OSBPL9: variants seen among roughly 807,000 people sequenced by gnomAD.
OSBPL9 encodes the protein oxysterol binding protein like 9.
OSBPL9 carries 40 observed loss-of-function variants against 106.6 expected under a neutral mutation model. The ratio of observed to expected loss-of-function variants is 0.38; its 90% CI spans 0.29 to 0.49. OSBPL9 has a LOEUF of 0.49. OSBPL9 is among the 20% of genes least tolerant of loss of function. The probability of loss-of-function intolerance (pLI) is 0.97; values close to 1 mark genes in which losing one functional copy is unlikely to be tolerated. For missense variants in OSBPL9, 609 were observed against 887.2 expected, an observed-to-expected ratio of 0.69 and a Z score of 3.98; for synonymous variants, 269 against 295.4, an observed-to-expected ratio of 0.91 and a Z score of 0.92.
At chr1:51,711,021 T>A (rs1455560224) in intron 3 of OSBPL9, among the ~76,000 whole-genome samples, 1 of 151,966 alleles carries the variant, frequency 6.6e-6, no homozygotes, top group Non-Finnish European at 1.5e-5. Context: ...TTACCCTTAC[T>A]TCTATATTTT....
At chr1:51,628,663 TC>T (rs1486099071) in intron 1 of OSBPL9, among the ~76,000 whole-genome samples, 1 of 151,584 alleles carries the variant, frequency 6.6e-6, no homozygotes, top group Non-Finnish European at 1.5e-5. Context: ...GTGATCTGCT[TC>T]AATTTATCTT....
intron 1 of OSBPL9, among the ~76,000 whole-genome samples, chr1:51,639,034 G>A (rs575133648): frequency 3.3e-5 from 5 of 151,768 alleles, no homozygotes; most frequent in Admixed American, 2.6e-4. Context: ...GTAGAATTTT[G>A]TCAAGTACTA....
At chr1:51,533,845 C>CTTTT in the OSBPL9 span, among the ~76,000 whole-genome samples, 60 of 116,294 alleles carry the variant, frequency 5.2e-4, no homozygotes, top group Non-Finnish European at 8.1e-4. Context: ...TTTTTTCTTT[C>CTTTT]TTTTTTTTTT....
chr1:51,598,617 T>C (rs1237419731), intron 2 of OSBPL9, among the ~76,000 whole-genome samples: 2 of 152,248 alleles, frequency 1.3e-5, no homozygotes, highest in South Asian at 2.1e-4. Flanking sequence ...TGTGTGTGTG[T>C]GTGCCCGCGC....
At chr1:51,571,794 G>A in the OSBPL9 span, among the ~76,000 whole-genome samples, 2 of 152,212 alleles carry the variant, frequency 1.3e-5, no homozygotes, top group African/African-American at 4.8e-5. Context: ...CGAACCTGCA[G>A]GCAAGACCAA....
At position 51,717,140 on chromosome 1, in the gene OSBPL9, A is replaced by G. The variant is rs6661653; in HGVS notation, c.318+3061A>G. ...ACCACCACGCCTGGCTAATTTTTGT[A>G]TTTTTTTGTAGAGATGCGGTTTTGC... On this transcript the variant is annotated intron_variant, in intron 4 of 23. Coordinates refer to ENST00000428468, the MANE Select transcript of OSBPL9 (RefSeq NM_024586.6). Among the ~76,000 whole-genome samples the G allele has an allele frequency of 2.4e-3, 359 of 151,814 alleles. 1 individual carries two copies. The highest frequency in any genetic ancestry group is 8.3e-3 in the African/African-American group (344 of 41,408).
chr1:51,699,163 T>G (rs1656705115), intron 3 of OSBPL9, among the ~76,000 whole-genome samples: 1 of 152,216 alleles, frequency 6.6e-6, no homozygotes, highest in Non-Finnish European at 1.5e-5. Context: ...TGCAAGTGGC[T>G]TATTAAAGTC....
At chr1:51,557,172 T>C in the OSBPL9 span, among the ~76,000 whole-genome samples, 2 of 152,330 alleles carry the variant, frequency 1.3e-5, no homozygotes, top group Middle Eastern at 3.4e-3. Context: ...AAAAGTTTTC[T>C]TGTTTTTAAT....
At chr1:51,782,743 A>G in intron 17 of OSBPL9, 100 bp downstream of exon 17, 1 of 966,174 alleles carries the variant, frequency 1.0e-6, no homozygotes, top group Non-Finnish European at 1.5e-6. Flanking sequence ...CAGTTGTGTG[A>G]CTAGCTGTGT....
intron 1 of OSBPL9, among the ~76,000 whole-genome samples, chr1:51,589,080 T>TTTTTC (rs571600127): frequency 4.0e-5 from 6 of 149,976 alleles, no homozygotes; most frequent in East Asian, 1.9e-4. Context: ...TACATTTTTC[T>TTTTTC]TTTTCTTTTC....
At chr1:51,662,823 T>C (rs546985696) in intron 2 of OSBPL9, among the ~76,000 whole-genome samples, 88 of 150,698 alleles carry the variant, frequency 5.8e-4, no homozygotes, top group African/African-American at 2.0e-3. Context: ...CGGCTCACTG[T>C]AAGCTCCACC....
chr1:51,647,323 C>T (rs886474952), intron 1 of OSBPL9, among the ~76,000 whole-genome samples: 19 of 151,992 alleles, frequency 1.3e-4, no homozygotes, highest in Admixed American at 5.9e-4. Flanking sequence ...GGATTTTGTT[C>T]GCTAGTATTT....
chr1:51,760,149 A>G (rs1172944933), intron 9 of OSBPL9: 1 of 154,380 alleles, frequency 6.5e-6, no homozygotes, highest in Non-Finnish European at 1.4e-5. Context: ...CAAATACTAC[A>G]CGATATTTTA....
intron 2 of OSBPL9, among the ~76,000 whole-genome samples, chr1:51,666,959 C>G (rs532992586): frequency 8.5e-5 from 13 of 152,238 alleles, no homozygotes; most frequent in African/African-American, 3.1e-4. Context: ...CAGATTGTTA[C>G]CAAACAAGAA....
chr1:51,746,281 A>G (rs1482607642), intron 5 of OSBPL9, among the ~76,000 whole-genome samples: 2 of 152,070 alleles, frequency 1.3e-5, no homozygotes, highest in East Asian at 1.9e-4. Flanking sequence ...TTTGAGGGAG[A>G]TGGAATATGG....
intron 2 of OSBPL9, among the ~76,000 whole-genome samples, chr1:51,662,822 G>A (rs1647367171): frequency 6.9e-6 from 1 of 144,566 alleles, no homozygotes; most frequent in South Asian, 2.1e-4. Flanking sequence ...TCGGCTCACT[G>A]TAAGCTCCAC....
Position 51,760,741 on chromosome 1 carries a change from G to A in OSBPL9, c.634G>A (p.Val212Met), listed in dbSNP as rs776375408. Residue 212 changes from valine (V) to methionine (M), a missense_variant, in exon 10 of 24, where the codon GTG becomes ATG. Physicochemically the swap from Val to Met is conservative, Grantham distance 21. Around this residue, in one of 5 missense-constraint regions of OSBPL9, gnomAD observed 356 missense variants for 505.8 expected, o/e 0.70. Transcript: ENST00000428468. Reference sequence around the variant, plus strand: ...ATATCAACCTAGTCCTTTGGAACCTGTGATCAGCACAATGCCTTCCCAGAC... The same window carrying A: ...ATATCAACCTAGTCCTTTGGAACCTATGATCAGCACAATGCCTTCCCAGAC... ...AIYQPSPLEPVISTMPSQTVL... is the reference protein window; with the variant it reads ...AIYQPSPLEPMISTMPSQTVL... 2 of 1,613,890 alleles carry A rather than the reference G, an allele frequency of 1.2e-6. No homozygotes were observed. The highest frequency in any genetic ancestry group is 2.2e-5 in the South Asian group (2 of 91,078).
intron 4 of OSBPL9, among the ~76,000 whole-genome samples, chr1:51,725,849 TTA>T (rs1663023385): frequency 6.6e-6 from 1 of 152,198 alleles, no homozygotes; most frequent in African/African-American, 2.4e-5. Context: ...TCCCTGGAGT[TTA>T]TATCTTTCAG....
chr1:51,784,579 T>C lies in OSBPL9; in HGVS notation c.1826T>C (p.Ile609Thr), dbSNP rs1249391066. Residue 609 changes from isoleucine (I) to threonine (T), a missense_variant, in exon 20 of 24, where the codon ATT (isoleucine) becomes ACT (threonine). Ile to Thr is a moderately conservative substitution (Grantham distance 89). Transcript: ENST00000428468. Reference sequence around the variant, plus strand: ...AAGAAGCACAGAATTACTGCCGAGATTTTGTAGGTATTTTTTCTGCCTTAG... The same window carrying C: ...AAGAAGCACAGAATTACTGCCGAGACTTTGTAGGTATTTTTTCTGCCTTAG... The part of the protein sequence containing the change: ...GGKKHRITAE[I>T]FSPNDKKSFC... The C allele has an allele frequency of 1.2e-6, 2 of 1,613,888 alleles. No individual in the cohort carries two copies. Among genetic ancestry groups the C allele is most frequent in the Non-Finnish European group, 1.7e-6 (2 of 1,179,884 alleles).
Sources: allele counts gnomAD v4.1 joint callset (sites outside exome capture counted in the v4.1 genomes callset), GRCh38; gene constraint gnomAD v4.1.1; regional missense constraint gnomAD v4.1.1; transcripts MANE v1.5; gene names NCBI Gene and HGNC (gene_info 2026-07-23, HGNC 2026-07-21).